The following DNAH12 variants were observed in gnomAD, a reference collection of about 807,000 sequenced individuals.
DNAH12 encodes the protein axonemal beta dynein heavy chain 12.
In DNAH12, 285 loss-of-function variants were observed where a neutral mutation model predicts 371.5. That is an observed-to-expected ratio of 0.77 (90% CI 0.70 to 0.85). DNAH12 has a LOEUF of 0.85. Ranked by LOEUF, DNAH12 falls within the 40% of genes least tolerant of loss-of-function variation. The probability of loss-of-function intolerance (pLI) is 0.00; values close to 1 mark genes in which losing one functional copy is unlikely to be tolerated. For missense variants in DNAH12, 3,611 were observed against 3,689.4 expected, an observed-to-expected ratio of 0.98 and a Z score of 0.55; for synonymous variants, 1,200 against 1,213.0, an observed-to-expected ratio of 0.99 and a Z score of 0.22.
At chr3:57,416,096 T>G (rs2064368089) in intron 37 of DNAH12, among the ~76,000 whole-genome samples, 1 of 152,088 alleles carries the variant, frequency 6.6e-6, no homozygotes, top group South Asian at 2.1e-4. Flanking sequence ...TCTATTTTTA[T>G]TTTTTGAGAT....
the DNAH12 span, among the ~76,000 whole-genome samples, chr3:57,554,694 T>C: frequency 6.6e-6 from 1 of 152,110 alleles, no homozygotes. Context: ...CAACTCACTA[T>C]GACCTCCATC....
At chr3:57,300,720 C>G (rs1196218231) in intron 70 of DNAH12, among the ~76,000 whole-genome samples, 1 of 152,078 alleles carries the variant, frequency 6.6e-6, no homozygotes, top group East Asian at 1.9e-4. Flanking sequence ...TTATGATTAG[C>G]TTATACAGTG....
chr3:57,338,046 T>C (rs1176562532), intron 60 of DNAH12, among the ~76,000 whole-genome samples: 1 of 152,206 alleles, frequency 6.6e-6, no homozygotes, highest in Non-Finnish European at 1.5e-5. Context: ...ACGGTCTCCC[T>C]CTGTTGCTGA....
At chr3:57,301,677 TACACACACACACACAC>T (rs57748737) in intron 70 of DNAH12, 42 bp downstream of exon 70, 27,219 of 1,147,826 alleles carry the variant, frequency 0.024, 232 homozygotes, top group Middle Eastern at 0.032. Flanking sequence ...ACATGTATTT[TACACACACACACACAC>T]ACACACACAC....
chr3:57,424,152 G>T (rs943628181), intron 35 of DNAH12, among the ~76,000 whole-genome samples: 2 of 151,998 alleles, frequency 1.3e-5, no homozygotes, highest in African/African-American at 4.8e-5. Flanking sequence ...TCACTTTATT[G>T]TTGATCAAAT....
chr3:57,346,362 T>C (rs546823264), intron 60 of DNAH12, among the ~76,000 whole-genome samples: 1 of 152,114 alleles, frequency 6.6e-6, no homozygotes, highest in East Asian at 1.9e-4. Context: ...ATAGTGTTAT[T>C]TGAATGAGGA....
chr3:57,344,617 G>T lies in DNAH12; in HGVS notation c.9674+7468C>A, dbSNP rs115704372. ...ATGGAATACCATTCAGCCATAAAAA[G>T]AATGAAAACTTCTCATTTGTGGCAA... On this transcript the variant is annotated intron_variant, in intron 60 of 73. Transcript: ENST00000495027. Among the ~76,000 whole-genome samples, 210 of 152,258 alleles carry T rather than the reference G, an allele frequency of 1.4e-3. 1 individual carries two copies. Among genetic ancestry groups the T allele is most frequent in the African/African-American group, 4.7e-3 (196 of 41,552 alleles).
chr3:57,412,699 C>T (rs1351255786), intron 39 of DNAH12, among the ~76,000 whole-genome samples: 2 of 152,078 alleles, frequency 1.3e-5, no homozygotes, highest in African/African-American at 4.8e-5. Context: ...TGCTTCTTAC[C>T]GTATGTCATC....
chr3:57,295,633 A>C, intron 72 of DNAH12, 41 bp from the exon 73 acceptor site: 1 of 1,500,280 alleles, frequency 6.7e-7, no homozygotes, highest in South Asian at 1.3e-5. Flanking sequence ...AAATAACATG[A>C]AATTCACTTC....
At chr3:57,434,339 C>A (rs2065053981) in intron 30 of DNAH12, among the ~76,000 whole-genome samples, 2 of 152,138 alleles carry the variant, frequency 1.3e-5, no homozygotes, top group Admixed American at 1.3e-4. Flanking sequence ...AGCTAGAGAC[C>A]TCACAGAGCT....
intron 68 of DNAH12, 137 bp from the exon 69 acceptor site, chr3:57,309,391 C>G (rs2061540334): frequency 1.4e-6 from 1 of 739,640 alleles, no homozygotes. Flanking sequence ...TATATAAGTC[C>G]TATGTACCTT....
intron 62 of DNAH12, among the ~76,000 whole-genome samples, chr3:57,329,760 T>G (rs1237464570): frequency 4.6e-5 from 7 of 151,504 alleles, no homozygotes; most frequent in Non-Finnish European, 7.4e-5. Flanking sequence ...GAAACTACCA[T>G]CAGAGTGAAC....
intron 39 of DNAH12, among the ~76,000 whole-genome samples, chr3:57,410,224 T>C (rs782508966): frequency 6.6e-6 from 1 of 152,286 alleles, no homozygotes; most frequent in East Asian, 1.9e-4. Flanking sequence ...AGCAGGTCTA[T>C]AGGCACCATT....
chr3:57,448,380 T>C (rs912620345), intron 25 of DNAH12, among the ~76,000 whole-genome samples: 1 of 152,066 alleles, frequency 6.6e-6, no homozygotes, highest in East Asian at 1.9e-4. Flanking sequence ...GTGCTCTCAC[T>C]GGCTTCAGGA....
At chr3:57,522,671 G>A (rs34748949) in intron 4 of DNAH12, among the ~76,000 whole-genome samples, 3,110 of 152,238 alleles carry the variant, frequency 0.02, 43 homozygotes, top group Non-Finnish European at 0.036. Context: ...AATTTTAAGG[G>A]ACTTGAGAAG....
chr3:57,537,661 G>T (rs1200836608), intron 2 of DNAH12, among the ~76,000 whole-genome samples: 1 of 150,818 alleles, frequency 6.6e-6, no homozygotes, highest in African/African-American at 2.4e-5. Flanking sequence ...ATTTTATCAG[G>T]TATTTTTTAA....
chr3:57,395,382 A>C (rs879082675), intron 43 of DNAH12, among the ~76,000 whole-genome samples: 43,189 of 152,110 alleles, frequency 0.28, 7,492 homozygotes, highest in Non-Finnish European at 0.4. Context: ...AACTTCTCTA[A>C]GTTATTTTTA....
intron 58 of DNAH12, among the ~76,000 whole-genome samples, chr3:57,363,217 C>A (rs1009747744): frequency 2.0e-5 from 3 of 152,094 alleles, no homozygotes; most frequent in Non-Finnish European, 4.4e-5. Context: ...GGGAAACTGG[C>A]TAGCCATATG....
intron 69 of DNAH12, among the ~76,000 whole-genome samples, chr3:57,305,135 C>T (rs1420742300): frequency 6.6e-6 from 1 of 152,086 alleles, no homozygotes; most frequent in Non-Finnish European, 1.5e-5. Flanking sequence ...CTAAATAATT[C>T]TTATTGTAAA....
Sources: gnomAD v4.1 joint callset for allele counts (sites outside exome capture counted in the v4.1 genomes callset) on GRCh38, gnomAD v4.1.1 for gene constraint, MANE v1.5 for transcripts, NCBI Gene and HGNC (gene_info 2026-07-23, HGNC 2026-07-21) for gene names.